SKIC2: variants seen among roughly 807,000 people sequenced by gnomAD.
SKIC2 encodes the protein superkiller complex protein 2.
the SKIC2 span, chr6:31,960,815 A>G: frequency 2.6e-6 from 3 of 1,170,082 alleles, no homozygotes; most frequent in Admixed American, 6.8e-5. Context: ...TAGCCCTCCC[A>G]TGTTTTTGAG....
At chr6:31,963,467 C>T in the SKIC2 span, 3 of 1,611,730 alleles carry the variant, frequency 1.9e-6, no homozygotes, top group Non-Finnish European at 2.5e-6. The surrounding 1 kb of genome is among the most constrained non-coding windows in gnomAD (Gnocchi z 5.3). Flanking sequence ...GCCCCGTGCC[C>T]CTGGAGCACT....
the SKIC2 span, chr6:31,963,385 CT>C: frequency 6.9e-4 from 1,051 of 1,521,958 alleles, 9 homozygotes; most frequent in Middle Eastern, 7.7e-3. The surrounding 1 kb of genome is among the most constrained non-coding windows in gnomAD (Gnocchi z 5.3). Flanking sequence ...GTTCCCACCC[CT>C]GACCTGCTTC....
At chr6:31,969,214 C>G in the SKIC2 span, 1 of 1,592,852 alleles carries the variant, frequency 6.3e-7, no homozygotes, top group Non-Finnish European at 8.6e-7. The surrounding 1 kb of genome is among the most constrained non-coding windows in gnomAD (Gnocchi z 6.1). Flanking sequence ...TGGCTGCCTT[C>G]TTGATCTGGT....
At chr6:31,969,005 T>C in the SKIC2 span, 2 of 1,612,856 alleles carry the variant, frequency 1.2e-6, no homozygotes, top group South Asian at 1.1e-5. The surrounding 1 kb of genome is among the most constrained non-coding windows in gnomAD (Gnocchi z 6.1). Context: ...CCCTGCGGCC[T>C]GAGGAGATTG....
the SKIC2 span, chr6:31,961,477 C>T: frequency 6.5e-7 from 1 of 1,537,754 alleles, no homozygotes; most frequent in Non-Finnish European, 8.8e-7. Context: ...AAAGGGACAT[C>T]TTTTGGGAGG....
the SKIC2 span, chr6:31,960,253 T>C: frequency 1.2e-6 from 2 of 1,613,142 alleles, no homozygotes; most frequent in African/African-American, 2.7e-5. Flanking sequence ...CCTGGTCTCT[T>C]TTGGCTGTCC....
chr6:31,960,013 C>T, the SKIC2 span: 2 of 1,612,212 alleles, frequency 1.2e-6, no homozygotes, highest in South Asian at 2.2e-5. Context: ...GTTTCAGCTT[C>T]CCCATGGCCT....
At chr6:31,968,588 T>C in the SKIC2 span, 1 of 1,563,336 alleles carries the variant, frequency 6.4e-7, no homozygotes, top group Non-Finnish European at 8.8e-7. The surrounding 1 kb of genome is among the most constrained non-coding windows in gnomAD (Gnocchi z 6.1). Context: ...GCTTTTCCTC[T>C]GTGGTCCCCT....
At chr6:31,966,616 C>G in the SKIC2 span, 2 of 1,355,074 alleles carry the variant, frequency 1.5e-6, no homozygotes, top group African/African-American at 2.9e-5. The surrounding 1 kb of genome is among the most constrained non-coding windows in gnomAD (Gnocchi z 5.9). Context: ...AGAGCTAGGA[C>G]CGGATCTGAC....
At chr6:31,960,842 A>G in the SKIC2 span, 1 of 988,372 alleles carries the variant, frequency 1.0e-6, no homozygotes, top group South Asian at 1.6e-5. Context: ...AGAAAAAGAT[A>G]TTCTGTCCAT....
chr6:31,964,730 C>A, the SKIC2 span, among the ~76,000 whole-genome samples: 1 of 152,148 alleles, frequency 6.6e-6, no homozygotes, highest in Non-Finnish European at 1.5e-5. This position sits in a 1 kb window ranked among gnomAD's most constrained non-coding sequence, Gnocchi z 5.0. Flanking sequence ...TAGTTCATGC[C>A]GAGTGTTGCC....
the SKIC2 span, chr6:31,963,891 C>T: frequency 3.2e-4 from 509 of 1,592,964 alleles, no homozygotes; most frequent in Non-Finnish European, 4.1e-4. The surrounding 1 kb of genome is among the most constrained non-coding windows in gnomAD (Gnocchi z 5.3). Flanking sequence ...TCTGCTCCTT[C>T]CCCTTCCCCT....
the SKIC2 span, chr6:31,966,854 G>T: frequency 3.1e-6 from 5 of 1,614,184 alleles, 1 homozygote; most frequent in South Asian, 4.4e-5. The surrounding 1 kb of genome is among the most constrained non-coding windows in gnomAD (Gnocchi z 5.9). Flanking sequence ...AAGGTAAGGA[G>T]CCTGGGGTAA....
At chr6:31,961,035 C>G in the SKIC2 span, 235 of 1,605,402 alleles carry the variant, frequency 1.5e-4, 1 homozygote, top group East Asian at 4.9e-3. Flanking sequence ...TGTCCCTATC[C>G]TACAGATCTT....
the SKIC2 span, chr6:31,966,034 G>A: frequency 3.4e-6 from 5 of 1,475,002 alleles, no homozygotes; most frequent in South Asian, 2.4e-5. The surrounding 1 kb of genome is among the most constrained non-coding windows in gnomAD (Gnocchi z 5.9). Flanking sequence ...CAGCATGCTC[G>A]GCAGGGCCCC....
the SKIC2 span, chr6:31,967,945 C>T: frequency 6.2e-7 from 1 of 1,613,092 alleles, no homozygotes; most frequent in Non-Finnish European, 8.5e-7. This position sits in a 1 kb window ranked among gnomAD's most constrained non-coding sequence, Gnocchi z 4.9. Context: ...CCTGCTCTCC[C>T]CTTTTCACAG....
the SKIC2 span, chr6:31,962,504 TC>T: frequency 6.8e-6 from 11 of 1,613,996 alleles, no homozygotes; most frequent in Non-Finnish European, 9.3e-6. This position sits in a 1 kb window ranked among gnomAD's most constrained non-coding sequence, Gnocchi z 5.0. Flanking sequence ...CGAAACACAT[TC>T]GGGGATGTGG....
the SKIC2 span, chr6:31,966,058 T>C: frequency 8.1e-7 from 1 of 1,242,194 alleles, no homozygotes; most frequent in Non-Finnish European, 1.1e-6. The surrounding 1 kb of genome is among the most constrained non-coding windows in gnomAD (Gnocchi z 5.9). Flanking sequence ...TCCAGGACCT[T>C]GCTGGATTCT....
At chr6:31,959,947 CT>C in the SKIC2 span, 1 of 1,180,480 alleles carries the variant, frequency 8.5e-7, no homozygotes, top group East Asian at 2.3e-5. Context: ...GTCCCATCAT[CT>C]CTTTTGTCTG....
Sources: allele counts gnomAD v4.1 joint callset (sites outside exome capture counted in the v4.1 genomes callset), GRCh38; gene constraint gnomAD v4.1.1; non-coding constraint Gnocchi (gnomAD v3.1); transcripts MANE v1.5; gene names NCBI Gene and HGNC (gene_info 2026-07-23, HGNC 2026-07-21).